PPFIBP1: variants seen among roughly 807,000 people sequenced by gnomAD.
The protein encoded by PPFIBP1 is liprin-beta-1.
PPFIBP1 carries 112 observed loss-of-function variants against 137.8 expected under a neutral mutation model. That is an observed-to-expected ratio of 0.81 (90% CI 0.70 to 0.95). The LOEUF (loss-of-function observed/expected upper bound fraction) is 0.95. Ranked by LOEUF, PPFIBP1 falls within the 40% of genes least tolerant of loss-of-function variation. PPFIBP1 has a pLI of 0.00. For missense variants in PPFIBP1, 1,083 were observed against 1,196.6 expected (o/e 0.91, Z 1.40); for synonymous variants, 378 against 417.3 (o/e 0.91, Z 1.15).
At chr12:27,547,401 C>T (rs1004925085) in intron 1 of PPFIBP1, 14 of 152,126 alleles carry the variant, frequency 9.2e-5, no homozygotes, top group African/African-American at 1.9e-4. Context: ...GGCTGTATGA[C>T]GAGTATTTTT....
chr12:27,533,874 C>G (rs1944667594), intron 1 of PPFIBP1, among the ~76,000 whole-genome samples: 4 of 152,062 alleles, frequency 2.6e-5, no homozygotes, highest in South Asian at 4.2e-4. Context: ...TGATGGTGGC[C>G]AAGGGAAGAA....
At chr12:27,620,085 C>T (rs1317065945) in intron 2 of PPFIBP1, among the ~76,000 whole-genome samples, 1 of 141,634 alleles carries the variant, frequency 7.1e-6, no homozygotes, top group African/African-American at 2.5e-5. Context: ...ACCAATAGAA[C>T]ACCTCTCATC....
Position 27,656,741 on chromosome 12 carries a change from A to G in PPFIBP1, c.811+11A>G. 1.3e-6 allele frequency: 2 copies of G among 1,508,256 alleles called. No homozygotes were observed. Among genetic ancestry groups the G allele is most frequent in the Non-Finnish European group, 1.8e-6 (2 of 1,087,978 alleles). 93.4% of individuals were successfully genotyped at this position (1,508,256 alleles called of 1,614,324 possible). On this transcript the variant is annotated intron_variant, in intron 9 of 29. Transcript: ENST00000228425. ...AAATTGTTGATAGAGGTAAGAAGAT[A>G]TATTTCACATTTATCATCTCATTTT...
At chr12:27,689,340 C>T (rs564103142) in intron 27 of PPFIBP1, 137 bp downstream of exon 27, 18 of 687,478 alleles carry the variant, frequency 2.6e-5, no homozygotes, top group South Asian at 7.3e-5. Context: ...GAATCCTCAG[C>T]GCTTAGTTGT....
chr12:27,606,115 T>A (rs981582076), intron 2 of PPFIBP1, among the ~76,000 whole-genome samples: 4 of 152,206 alleles, frequency 2.6e-5, no homozygotes, highest in Non-Finnish European at 5.9e-5. Context: ...GATTTGCATA[T>A]GTTTGGCAAG....
chr12:27,585,234 GA>G, intron 2 of PPFIBP1, among the ~76,000 whole-genome samples: 1 of 152,290 alleles, frequency 6.6e-6, no homozygotes, highest in East Asian at 1.9e-4. Context: ...ATTTAAAACA[GA>G]GGTGACTTTG....
At chr12:27,608,735 A>C (rs903367981) in intron 2 of PPFIBP1, 3 of 314,106 alleles carry the variant, frequency 9.6e-6, no homozygotes, top group Admixed American at 4.6e-5. Context: ...GTATGATATC[A>C]GTCAGACTTA....
At position 27,674,093 on chromosome 12, in the gene PPFIBP1, A is replaced by T. The variant is rs529248230; in HGVS notation, c.1381-99A>T. On this transcript the variant is annotated intron_variant, in intron 16 of 29. Transcript: ENST00000228425. ...CTAAGATTTTGTAGCTTAGAAGTAG[A>T]TATAAAATTATTTTAACTTATGGAG... 1.2e-4 allele frequency: 112 copies of T among 949,700 alleles called. 1 individual carries two copies. The African/African-American group carries it at 1.5e-3, about 13-fold the overall frequency. The allele number at this position is 949,700 out of a possible 1,614,324, so 58.8% of individuals were successfully genotyped here. A position where few individuals can be genotyped will look rare whatever the true frequency, so the allele number is the denominator to read the frequency against.
intron 4 of PPFIBP1, among the ~76,000 whole-genome samples, chr12:27,639,541 A>G (rs2057953555): frequency 6.6e-6 from 1 of 152,192 alleles, no homozygotes; most frequent in South Asian, 2.1e-4. Flanking sequence ...GGCAGTTTTA[A>G]TTATGAGGCC....
At chr12:27,558,393 A>ATT (rs1403576042) in intron 1 of PPFIBP1, among the ~76,000 whole-genome samples, 2 of 151,630 alleles carry the variant, frequency 1.3e-5, no homozygotes, top group Non-Finnish European at 2.9e-5. Flanking sequence ...GCTTATTTTC[A>ATT]TTTTATCTCC....
intron 1 of PPFIBP1, among the ~76,000 whole-genome samples, chr12:27,574,705 A>C (rs1001973677): frequency 6.6e-6 from 1 of 152,302 alleles, no homozygotes; most frequent in Middle Eastern, 3.4e-3. Context: ...AAGTATTATC[A>C]ACGTAGCATA....
At chr12:27,682,837 G>A in intron 24 of PPFIBP1, 134 bp downstream of exon 24, 2 of 1,417,246 alleles carry the variant, frequency 1.4e-6, no homozygotes, top group Admixed American at 2.3e-5. Context: ...CTTGAGGAGA[G>A]TGGCAGGCAT....
chr12:27,571,542 A>G (rs114020070), intron 1 of PPFIBP1, among the ~76,000 whole-genome samples: 12 of 152,288 alleles, frequency 7.9e-5, no homozygotes, highest in African/African-American at 2.9e-4. Context: ...AAATGTGCCT[A>G]TTCCATGTGG....
In PPFIBP1 at chr12:27,694,291, G is replaced by A. The variant is rs570372732; in HGVS notation, c.*1409G>A. On this transcript the variant is annotated 3_prime_UTR_variant, in exon 30 of 30. Coordinates refer to ENST00000228425, the MANE Select transcript of PPFIBP1 (RefSeq NM_003622.4). ...AGCCTTTCAAAGTGCTGGAATTACAGGTGTGAGCCACTCTGCCTGGCCTAC... is the reference window on the plus strand; with the variant it reads ...AGCCTTTCAAAGTGCTGGAATTACAAGTGTGAGCCACTCTGCCTGGCCTAC... The A allele has an allele frequency of 6.6e-6, 1 of 152,276 alleles. No individual in the cohort carries two copies. The highest frequency in any genetic ancestry group is 6.5e-5 in the Admixed American group (1 of 15,284). The allele number at this position is 152,276 out of a possible 1,614,324, so 9.4% of individuals were successfully genotyped here.
At chr12:27,689,269 G>T in intron 27 of PPFIBP1, 66 bp downstream of exon 27, 2 of 1,445,768 alleles carry the variant, frequency 1.4e-6, no homozygotes, top group Non-Finnish European at 1.8e-6. Flanking sequence ...CGGTTACCTG[G>T]TTATTCTGTT....
At chr12:27,582,172 G>A (rs190357093) in intron 2 of PPFIBP1, among the ~76,000 whole-genome samples, 19 of 152,192 alleles carry the variant, frequency 1.2e-4, no homozygotes, top group African/African-American at 4.6e-4. Flanking sequence ...TGTAGACAGA[G>A]GAAGAGTTTG....
chr12:27,651,448 G>A (rs762610898), intron 7 of PPFIBP1, among the ~76,000 whole-genome samples: 2 of 152,064 alleles, frequency 1.3e-5, no homozygotes, highest in Non-Finnish European at 2.9e-5. Context: ...GCCTGTGTGA[G>A]CATGTTTCTC....
intron 11 of PPFIBP1, among the ~76,000 whole-genome samples, chr12:27,662,997 C>T (rs908560848): frequency 3.9e-5 from 6 of 152,112 alleles, no homozygotes; most frequent in African/African-American, 1.4e-4. Context: ...TAGCTGATGT[C>T]TACAGTCAGC....
chr12:27,525,099 G>A (rs1943576618), intron 1 of PPFIBP1, among the ~76,000 whole-genome samples: 1 of 152,068 alleles, frequency 6.6e-6, no homozygotes, highest in Non-Finnish European at 1.5e-5. Flanking sequence ...GTGTTTTCAG[G>A]GATCTTTTTT....
Sources: gnomAD v4.1 joint callset for allele counts (sites outside exome capture counted in the v4.1 genomes callset) on GRCh38, gnomAD v4.1.1 for gene constraint, MANE v1.5 for transcripts, NCBI Gene and HGNC (gene_info 2026-07-23, HGNC 2026-07-21) for gene names.